FAM53B: variants seen among roughly 807,000 people sequenced by gnomAD.
The protein encoded by FAM53B is protein FAM53B.
Under a neutral mutation model 32.7 loss-of-function variants are expected in FAM53B, and 12 were observed. That is an observed-to-expected ratio of 0.37 (90% CI 0.24 to 0.59). The LOEUF is 0.59. FAM53B is among the 20% of genes least tolerant of loss of function. The probability of loss-of-function intolerance (pLI) is 0.72; values close to 1 mark genes in which losing one functional copy is unlikely to be tolerated. For synonymous variants in FAM53B, 234 were observed against 228.7 expected (o/e 1.02, Z -0.21); for missense variants, 477 against 577.7 (o/e 0.83, Z 1.79).
intron 3 of FAM53B, among the ~76,000 whole-genome samples, chr10:124,690,814 C>T (rs1949828532): frequency 6.6e-6 from 1 of 152,044 alleles, no homozygotes; most frequent in Non-Finnish European, 1.5e-5. Context: ...TACATACTTA[C>T]ATATGGATGT....
chr10:124,658,949 T>A (rs1265493381), intron 4 of FAM53B, among the ~76,000 whole-genome samples: 1 of 152,214 alleles, frequency 6.6e-6, no homozygotes, highest in Non-Finnish European at 1.5e-5. Flanking sequence ...CTTACCTGCC[T>A]AGAACCGGCA....
intron 4 of FAM53B, among the ~76,000 whole-genome samples, chr10:124,646,737 A>G (rs1297071989): frequency 6.6e-6 from 1 of 152,122 alleles, no homozygotes; most frequent in Admixed American, 6.5e-5. Context: ...TATCTAACTC[A>G]TGAGCCTGCA....
intron 4 of FAM53B, 57 bp from the exon 5 acceptor site, chr10:124,623,661 G>T: frequency 6.5e-7 from 1 of 1,533,168 alleles, no homozygotes; most frequent in Non-Finnish European, 8.7e-7. Context: ...GCAGCCCCAG[G>T]ACTGCACACC....
rs757451734 is a variant in FAM53B, at chr10:124,682,403, A to G, written c.134-24T>C. On this transcript the variant is annotated intron_variant, in intron 3 of 4. Coordinates refer to ENST00000337318, the MANE Select transcript of FAM53B (RefSeq NM_014661.4). The surrounding 1 kb of genome is among the most constrained non-coding windows in gnomAD (Gnocchi z 5.2). ...TTCTGGTTCATAAATGACAAGGAGA[A>G]AACAGGATTTGAGAAGACCTTCACT... is the stretch of plus-strand genomic sequence containing the variant. 1 of 1,574,894 alleles carries G rather than the reference A, an allele frequency of 6.3e-7. No homozygotes were observed. Among genetic ancestry groups the G allele is most frequent in the Non-Finnish European group, 8.6e-7 (1 of 1,159,760 alleles).
intron 2 of FAM53B, among the ~76,000 whole-genome samples, chr10:124,700,343 A>G (rs989616182): frequency 6.6e-6 from 1 of 152,206 alleles, no homozygotes; most frequent in Non-Finnish European, 1.5e-5. Context: ...CAGTGGGAAG[A>G]ATGAGCCAAT....
At chr10:124,736,886 C>T (rs1374382926) in intron 1 of FAM53B, among the ~76,000 whole-genome samples, 1 of 152,262 alleles carries the variant, frequency 6.6e-6, no homozygotes, top group East Asian at 1.9e-4. Context: ...CCAGGGAACG[C>T]CCACTGGGCA....
intron 4 of FAM53B, among the ~76,000 whole-genome samples, chr10:124,673,106 T>C (rs1949716861): frequency 6.6e-6 from 1 of 152,036 alleles, no homozygotes; most frequent in Non-Finnish European, 1.5e-5. Flanking sequence ...CTCGAGAACA[T>C]TTCTTGAGCC....
Position 124,705,164 on chromosome 10 carries a change from G to A in FAM53B, c.78+1472C>T, listed in dbSNP as rs116009848. Among the ~76,000 whole-genome samples, 337 of 152,328 alleles carry A rather than the reference G, an allele frequency of 2.2e-3. 1 individual carries two copies. The highest frequency in any genetic ancestry group is 7.9e-3 in the African/African-American group (330 of 41,580). ...GGAGACCTCACAGGCTGAGGCCCATGAGCAGAGTGGCACCAGTGTCACATC... is the reference window on the plus strand; with the variant it reads ...GGAGACCTCACAGGCTGAGGCCCATAAGCAGAGTGGCACCAGTGTCACATC... On this transcript the variant is annotated intron_variant, in intron 2 of 4. Transcript: ENST00000337318.
intron 4 of FAM53B, among the ~76,000 whole-genome samples, chr10:124,676,013 T>C (rs1949734427): frequency 3.9e-5 from 6 of 152,242 alleles, no homozygotes. Flanking sequence ...TGATTAGCAA[T>C]GTCTGTCAAG....
intron 4 of FAM53B, among the ~76,000 whole-genome samples, chr10:124,627,947 T>G (rs1949366280): frequency 6.6e-6 from 1 of 152,172 alleles, no homozygotes; most frequent in Non-Finnish European, 1.5e-5. Flanking sequence ...GCCTTCTAGG[T>G]ACAAGCTGAA....
At chr10:124,701,746 A>T (rs1206025781) in intron 2 of FAM53B, among the ~76,000 whole-genome samples, 1 of 151,988 alleles carries the variant, frequency 6.6e-6, no homozygotes, top group Admixed American at 6.6e-5. Flanking sequence ...CGGCAGTGCA[A>T]GCGAAGCCAG....
At chr10:124,657,096 A>ATGTGTG (rs1484799450) in intron 4 of FAM53B, among the ~76,000 whole-genome samples, 2 of 117,278 alleles carry the variant, frequency 1.7e-5, no homozygotes, top group South Asian at 2.8e-4. Flanking sequence ...GTGTATATAT[A>ATGTGTG]TGTGTATATA....
At chr10:124,742,120 C>G (rs1352791734) in intron 1 of FAM53B, among the ~76,000 whole-genome samples, 2 of 152,222 alleles carry the variant, frequency 1.3e-5, no homozygotes, top group Non-Finnish European at 2.9e-5. Flanking sequence ...CCCCACGCCT[C>G]TCCTTAGCTT....
intron 4 of FAM53B, among the ~76,000 whole-genome samples, chr10:124,629,368 C>T (rs996134050): frequency 1.6e-4 from 24 of 152,230 alleles, no homozygotes; most frequent in African/African-American, 4.6e-4. Context: ...CTCCTCATGG[C>T]GGGACCAGCT....
intron 4 of FAM53B, among the ~76,000 whole-genome samples, chr10:124,627,298 C>T (rs1164791090): frequency 1.3e-5 from 2 of 152,204 alleles, no homozygotes; most frequent in African/African-American, 2.4e-5. Flanking sequence ...CTCCATGCCC[C>T]GGGGCAAGGT....
chr10:124,729,233 T>C (rs1298871572), intron 1 of FAM53B, among the ~76,000 whole-genome samples: 4 of 152,194 alleles, frequency 2.6e-5, no homozygotes, highest in Non-Finnish European at 4.4e-5. Flanking sequence ...TAATCTCGAA[T>C]GATCTCACCC....
chr10:124,657,139 CAT>C (rs1036628289), intron 4 of FAM53B, among the ~76,000 whole-genome samples: 16 of 134,048 alleles, frequency 1.2e-4, no homozygotes, highest in African/African-American at 3.5e-4. Context: ...TGTGTATATA[CAT>C]ATATATGTGT....
rs537719161 is a variant in FAM53B at position 124,677,116 on chromosome 10, T to C, written c.906+4491A>G. Among the ~76,000 whole-genome samples, 8 of 152,308 alleles carry C rather than the reference T, an allele frequency of 5.3e-5. No homozygotes were observed. In the East Asian group the frequency reaches 1.3e-3, roughly 26 times the overall value. On this transcript the variant is annotated intron_variant, in intron 4 of 4. Transcript: ENST00000337318. ...TGACACCTAGGGGGACTGCATTCAA[T>C]GGGTGAACTTTTTAATTGTTGCTTT... is the stretch of plus-strand genomic sequence containing the variant.
chr10:124,673,165 C>G (rs1949717215), intron 4 of FAM53B, among the ~76,000 whole-genome samples: 1 of 152,114 alleles, frequency 6.6e-6, no homozygotes, highest in East Asian at 1.9e-4. Context: ...TCTAGCCCAC[C>G]TTCATGTTTG....
Sources: allele counts gnomAD v4.1 joint callset (sites outside exome capture counted in the v4.1 genomes callset), GRCh38; gene constraint gnomAD v4.1.1; non-coding constraint Gnocchi (gnomAD v3.1); transcripts MANE v1.5; gene names NCBI Gene and HGNC (gene_info 2026-07-23, HGNC 2026-07-21).